DISC1: variants seen among roughly 807,000 people sequenced by gnomAD.
DISC1 encodes the protein disrupted in schizophrenia 1 protein.
DISC1 carries 57 observed loss-of-function variants against 84.5 expected under a neutral mutation model. The ratio of observed to expected loss-of-function variants is 0.67; its 90% CI spans 0.55 to 0.84. DISC1 has a LOEUF of 0.84. DISC1 is among the 40% of genes least tolerant of loss of function. The pLI is 0.00. For synonymous variants in DISC1, 411 were observed against 415.2 expected (o/e 0.99, Z 0.12); for missense variants, 1,000 against 1,057.8 (o/e 0.95, Z 0.76).
At chr1:231,763,217 G>C (rs1010217065) in intron 4 of DISC1, among the ~76,000 whole-genome samples, 19 of 152,202 alleles carry the variant, frequency 1.2e-4, no homozygotes, top group Admixed American at 1.2e-3. Context: ...CCTTCCTGCT[G>C]TCTGCATGGC....
intron 9 of DISC1, among the ~76,000 whole-genome samples, chr1:231,883,282 G>T (rs1421373286): frequency 2.0e-5 from 3 of 152,060 alleles, no homozygotes; most frequent in Non-Finnish European, 4.4e-5. Context: ...ACCTAGAAAT[G>T]TTCTAGGTGT....
At chr1:231,888,760 AAG>A (rs1260151779) in intron 9 of DISC1, among the ~76,000 whole-genome samples, 1 of 149,394 alleles carries the variant, frequency 6.7e-6, no homozygotes, top group Non-Finnish European at 1.5e-5. Flanking sequence ...AAAAAAAAAA[AAG>A]AGTGTCCACC....
At chr1:231,781,202 A>AG (rs1198834158) in intron 6 of DISC1, among the ~76,000 whole-genome samples, 1 of 151,838 alleles carries the variant, frequency 6.6e-6, no homozygotes, top group East Asian at 1.9e-4. Flanking sequence ...GAAAAAAAAA[A>AG]AAGACTTTAT....
intron 3 of DISC1, among the ~76,000 whole-genome samples, chr1:231,712,522 G>C (rs1411541746): frequency 3.3e-5 from 5 of 152,188 alleles, no homozygotes; most frequent in Non-Finnish European, 7.3e-5. Context: ...AAAGAAAAAG[G>C]CCACTTGAAA....
At chr1:231,985,174 AT>A (rs958918509) in intron 10 of DISC1, among the ~76,000 whole-genome samples, 31 of 151,632 alleles carry the variant, frequency 2.0e-4, no homozygotes, top group African/African-American at 7.5e-4. Context: ...TACAAAAAAA[AT>A]ATTAGCCAGG....
Position 231,694,028 on chromosome 1 carries a change from G to C in DISC1, c.270G>C (p.Ser90=). 2 of 1,614,152 alleles carry C rather than the reference G, an allele frequency of 1.2e-6. No homozygotes were observed. The highest frequency in any genetic ancestry group is 8.5e-7 in the Non-Finnish European group (1 of 1,180,010). Residue 90 remains serine, a synonymous_variant, in exon 2 of 13, where the codon TCG becomes TCC. Coordinates refer to ENST00000439617, the MANE Select transcript of DISC1 (RefSeq NM_018662.3). ...ESRARQCGLD[S]RGLLVRSPVS... Reference sequence around the variant, plus strand: ...GGGCCAGACAGTGTGGCCTTGACTCGAGAGGCCTCTTGGTCCGGAGCCCTG... The same window carrying C: ...GGGCCAGACAGTGTGGCCTTGACTCCAGAGGCCTCTTGGTCCGGAGCCCTG...
intron 6 of DISC1, among the ~76,000 whole-genome samples, chr1:231,785,013 G>C (rs1463719248): frequency 6.6e-6 from 1 of 152,154 alleles, no homozygotes; most frequent in African/African-American, 2.4e-5. Flanking sequence ...TGGCGTTTGT[G>C]CCTCTGTGCT....
At chr1:231,664,914 T>A (rs1005464943) in intron 1 of DISC1, among the ~76,000 whole-genome samples, 2 of 149,180 alleles carry the variant, frequency 1.3e-5, no homozygotes, top group Non-Finnish European at 3.0e-5. Context: ...AAAAAAAAAA[T>A]AAGAAAAAGC....
intron 11 of DISC1, among the ~76,000 whole-genome samples, chr1:232,016,135 A>G (rs887680256): frequency 2.0e-5 from 3 of 152,238 alleles, no homozygotes; most frequent in Admixed American, 1.3e-4. Context: ...AACCAGGATT[A>G]AACGCTGACA....
chr1:231,975,098 C>T (rs1050788269), intron 10 of DISC1, among the ~76,000 whole-genome samples: 4 of 151,748 alleles, frequency 2.6e-5, no homozygotes, highest in African/African-American at 9.7e-5. Context: ...GACTCAATTT[C>T]AAAAGACAAC....
At chr1:231,868,736 T>TATATATATATATATATA (rs2085246169) in intron 9 of DISC1, among the ~76,000 whole-genome samples, 4 of 108,312 alleles carry the variant, frequency 3.7e-5, no homozygotes, top group Non-Finnish European at 8.1e-5. Flanking sequence ...ATATATATAT[T>TATATATATATATATATA]TAGCTGGGCA....
intron 1 of DISC1, among the ~76,000 whole-genome samples, chr1:231,639,774 G>T (rs2059484396): frequency 6.6e-6 from 1 of 152,190 alleles, no homozygotes; most frequent in Admixed American, 6.5e-5. Flanking sequence ...TATGTGTATA[G>T]AACTGCTTTT....
chr1:231,942,645 A>G (rs1341006756), intron 9 of DISC1, among the ~76,000 whole-genome samples: 1 of 152,192 alleles, frequency 6.6e-6, no homozygotes, highest in Non-Finnish European at 1.5e-5. Context: ...AGCCTGGGCA[A>G]CAGAGTGAGA....
At chr1:231,944,209 A>G (rs1256216960) in intron 9 of DISC1, among the ~76,000 whole-genome samples, 1 of 152,130 alleles carries the variant, frequency 6.6e-6, no homozygotes, top group Admixed American at 6.5e-5. Context: ...AGATTTGTGC[A>G]CAGACACTCC....
intron 10 of DISC1, among the ~76,000 whole-genome samples, chr1:231,969,930 C>T (rs1196350704): frequency 6.6e-6 from 1 of 152,184 alleles, no homozygotes; most frequent in African/African-American, 2.4e-5. Context: ...GACATGAGCT[C>T]ATCCTTTTTT....
chr1:231,964,030 G>A (rs372164238), intron 10 of DISC1, among the ~76,000 whole-genome samples: 4 of 152,110 alleles, frequency 2.6e-5, no homozygotes, highest in Non-Finnish European at 5.9e-5. Flanking sequence ...GTGTGGCACC[G>A]GGCTGTCTGC....
At chr1:231,714,296 C>T (rs894090919) in intron 3 of DISC1, among the ~76,000 whole-genome samples, 2 of 152,106 alleles carry the variant, frequency 1.3e-5, no homozygotes, top group African/African-American at 4.8e-5. Context: ...ACCCATATAT[C>T]TGTGTCCAGT....
chr1:231,839,883 G>T (rs970420891), intron 9 of DISC1, among the ~76,000 whole-genome samples: 1 of 152,076 alleles, frequency 6.6e-6, no homozygotes, highest in Non-Finnish European at 1.5e-5. Context: ...ACCGGATCTT[G>T]TGTGAACTCA....
intron 1 of DISC1, among the ~76,000 whole-genome samples, chr1:231,683,994 C>A (rs1196541485): frequency 1.3e-5 from 2 of 152,110 alleles, no homozygotes; most frequent in Non-Finnish European, 2.9e-5. Context: ...GCTTGGGAAG[C>A]CTCAGCCTTC....
Sources: gnomAD v4.1 joint callset for allele counts (sites outside exome capture counted in the v4.1 genomes callset) on GRCh38, gnomAD v4.1.1 for gene constraint, MANE v1.5 for transcripts, NCBI Gene and HGNC (gene_info 2026-07-23, HGNC 2026-07-21) for gene names.